IMMP2L: variants seen among roughly 807,000 people sequenced by gnomAD.
IMMP2L encodes mitochondrial inner membrane protease subunit 2.
A neutral mutation model predicts 19.3 loss-of-function variants in IMMP2L; 18 were observed. That is an observed-to-expected ratio of 0.93 (90% CI 0.64 to 1.38). The LOEUF (loss-of-function observed/expected upper bound fraction) is 1.38. Among genes scored for constraint, IMMP2L ranks in the 40% most tolerant of loss-of-function variants. IMMP2L has a pLI of 0.00. For synonymous variants in IMMP2L, 76 were observed against 73.0 expected, an observed-to-expected ratio of 1.04 and a Z score of -0.21; for missense variants, 233 against 218.2, an observed-to-expected ratio of 1.07 and a Z score of -0.43.
At chr7:111,242,679 G>A (rs184549881) in intron 3 of IMMP2L, among the ~76,000 whole-genome samples, 2 of 152,000 alleles carry the variant, frequency 1.3e-5, no homozygotes, top group Admixed American at 1.3e-4. Flanking sequence ...GTGCATCACT[G>A]AATGCTGGAC....
At chr7:110,737,910 G>C (rs1796743006) in intron 5 of IMMP2L, among the ~76,000 whole-genome samples, 1 of 152,106 alleles carries the variant, frequency 6.6e-6, no homozygotes, top group South Asian at 2.1e-4. Context: ...GCTAGTACCA[G>C]CCTGGAACCT....
chr7:110,848,354 T>G (rs1244131885), intron 5 of IMMP2L, among the ~76,000 whole-genome samples: 2 of 152,002 alleles, frequency 1.3e-5, no homozygotes, highest in Non-Finnish European at 2.9e-5. Context: ...AAAACAACAA[T>G]GAGATACCAC....
chr7:111,256,316 T>G (rs1239821778), intron 3 of IMMP2L, among the ~76,000 whole-genome samples: 2 of 152,118 alleles, frequency 1.3e-5, no homozygotes, highest in Admixed American at 1.3e-4. Flanking sequence ...GTTCTAGATC[T>G]GCAAATGATG....
intron 3 of IMMP2L, among the ~76,000 whole-genome samples, chr7:111,066,166 A>T (rs1794481624): frequency 1.3e-5 from 2 of 151,936 alleles, no homozygotes; most frequent in Non-Finnish European, 2.9e-5. Flanking sequence ...TTTTAAAAGT[A>T]GAGATGGGGC....
intron 3 of IMMP2L, among the ~76,000 whole-genome samples, chr7:111,351,761 T>C (rs1163112605): frequency 6.6e-6 from 1 of 152,216 alleles, no homozygotes; most frequent in Non-Finnish European, 1.5e-5. Context: ...AGCAATGTAT[T>C]TGAAATAAGA....
intron 5 of IMMP2L, among the ~76,000 whole-genome samples, chr7:110,805,547 A>AT (rs1414763460): frequency 6.6e-6 from 1 of 152,066 alleles, no homozygotes; most frequent in African/African-American, 2.4e-5. Context: ...CCATTAAGTC[A>AT]TTTTTTAAAA....
chr7:111,443,784 TTTAAAC>T (rs1283967282), intron 3 of IMMP2L, among the ~76,000 whole-genome samples: 1 of 152,186 alleles, frequency 6.6e-6, no homozygotes, highest in Non-Finnish European at 1.5e-5. Flanking sequence ...ACTAAGTATC[TTTAAAC>T]TTAGTGTATT....
chr7:111,524,402 C>T (rs1846638539), intron 1 of IMMP2L, among the ~76,000 whole-genome samples: 1 of 152,074 alleles, frequency 6.6e-6, no homozygotes, highest in Non-Finnish European at 1.5e-5. Context: ...ATAATCAATT[C>T]CTCTTTGACC....
intron 5 of IMMP2L, among the ~76,000 whole-genome samples, chr7:110,851,122 T>C (rs539011413): frequency 1.3e-5 from 2 of 152,250 alleles, no homozygotes; most frequent in African/African-American, 4.8e-5. Flanking sequence ...AGTATGAATG[T>C]ATATAAATTT....
At chr7:111,271,266 C>T (rs192216940) in intron 3 of IMMP2L, among the ~76,000 whole-genome samples, 15 of 152,172 alleles carry the variant, frequency 9.9e-5, no homozygotes, top group South Asian at 6.2e-4. Flanking sequence ...CCATGCTGAA[C>T]GGTGAATCAA....
At chr7:111,330,486 G>GGCCCACTA (rs1554449672) in intron 3 of IMMP2L, among the ~76,000 whole-genome samples, 2 of 151,194 alleles carry the variant, frequency 1.3e-5, no homozygotes, top group Non-Finnish European at 3.0e-5. Flanking sequence ...ATACTGAAAG[G>GGCCCACTA]GCCCACTAGC....
chr7:111,415,356 G>A (rs895522979), intron 3 of IMMP2L, among the ~76,000 whole-genome samples: 1 of 151,662 alleles, frequency 6.6e-6, no homozygotes, highest in Non-Finnish European at 1.5e-5. Flanking sequence ...TATAGCCCAG[G>A]GGAGACCTTG....
rs1221615305 is a variant in IMMP2L, at chr7:110,760,388, A to C, written c.409-96667T>G. Among the ~76,000 whole-genome samples the C allele has an allele frequency of 1.3e-5, 2 of 152,160 alleles. No homozygotes were observed. The highest frequency in any genetic ancestry group is 2.9e-5 in the Non-Finnish European group (2 of 68,034). ...TTCAGCAATAGATGAAAATGTTTTAAAACTGTGAAGGGCTCTGAAGCTGAT... is the reference window on the plus strand; with the variant it reads ...TTCAGCAATAGATGAAAATGTTTTACAACTGTGAAGGGCTCTGAAGCTGAT... On this transcript the variant is annotated intron_variant, in intron 5 of 5. Transcript: ENST00000405709. This position sits in a 1 kb window ranked among gnomAD's most constrained non-coding sequence, Gnocchi z 4.2.
At chr7:111,074,293 G>A (rs1563215403) in intron 3 of IMMP2L, among the ~76,000 whole-genome samples, 2 of 152,256 alleles carry the variant, frequency 1.3e-5, no homozygotes, top group Admixed American at 6.5e-5. Context: ...ATGACTCATC[G>A]ACTGTCATTT....
At chr7:110,983,116 A>T (rs1821476439) in intron 3 of IMMP2L, among the ~76,000 whole-genome samples, 1 of 152,030 alleles carries the variant, frequency 6.6e-6, no homozygotes, top group South Asian at 2.1e-4. Context: ...CATGTAAATA[A>T]TTTTTACAAA....
At chr7:111,111,831 C>A (rs1341944369) in intron 3 of IMMP2L, among the ~76,000 whole-genome samples, 2 of 150,646 alleles carry the variant, frequency 1.3e-5, no homozygotes, top group Non-Finnish European at 1.5e-5. Context: ...CAAAAGGAGA[C>A]CTTGTCTCTG....
rs535840196 is a variant in IMMP2L at position 110,828,838 on chromosome 7, A to G, written c.408+57755T>C. Among the ~76,000 whole-genome samples, 5 of 152,272 alleles carry G rather than the reference A, an allele frequency of 3.3e-5. No homozygotes were observed. The East Asian group carries it at 7.7e-4, about 24-fold the overall frequency. On this transcript the variant is annotated intron_variant, in intron 5 of 5. Coordinates refer to ENST00000405709, the MANE Select transcript of IMMP2L (RefSeq NM_032549.4). The stretch of plus-strand genomic sequence containing the variant: ...GCAAAAATTTAGTGAGCATAATACT[A>G]TCTTTCAAAATGCTTGTAACCAAAC...
chr7:111,427,087 G>A (rs1385812993), intron 3 of IMMP2L, among the ~76,000 whole-genome samples: 1 of 149,812 alleles, frequency 6.7e-6, no homozygotes, highest in Non-Finnish European at 1.5e-5. Context: ...TTACTTCACT[G>A]ATCACCCAAG....
At chr7:111,503,942 T>A (rs970307408) in intron 2 of IMMP2L, among the ~76,000 whole-genome samples, 1 of 152,006 alleles carries the variant, frequency 6.6e-6, no homozygotes, top group South Asian at 2.1e-4. Flanking sequence ...ACCACTCCTA[T>A]TCAACATAGT....
Sources: allele counts gnomAD v4.1 joint callset (sites outside exome capture counted in the v4.1 genomes callset), GRCh38; gene constraint gnomAD v4.1.1; non-coding constraint Gnocchi (gnomAD v3.1); transcripts MANE v1.5; gene names NCBI Gene and HGNC (gene_info 2026-07-23, HGNC 2026-07-21).